Variants in TPH2 observed in about 807,000 individuals in gnomAD.
The protein encoded by TPH2 is tryptophan 5-hydroxylase 2.
In TPH2, 27 loss-of-function variants were observed where a neutral mutation model predicts 59.1. The observed-to-expected ratio is 0.46, with a 90% CI of 0.34 to 0.63. The LOEUF is 0.63. Ranked by LOEUF, TPH2 falls within the 30% of genes least tolerant of loss-of-function variation. TPH2 has a pLI of 0.01. For missense variants in TPH2, 523 were observed against 588.3 expected (o/e 0.89, Z 1.15); for synonymous variants, 220 against 210.5 (o/e 1.05, Z -0.39).
At chr12:72,022,744 A>G (rs1873454638) in intron 9 of TPH2, among the ~76,000 whole-genome samples, 1 of 152,224 alleles carries the variant, frequency 6.6e-6, no homozygotes, top group South Asian at 2.1e-4. Context: ...GCAATGACAA[A>G]TGTATGCCCA....
At chr12:72,007,095 C>T (rs1187790834) in intron 8 of TPH2, among the ~76,000 whole-genome samples, 1 of 152,126 alleles carries the variant, frequency 6.6e-6, no homozygotes, top group African/African-American at 2.4e-5. Context: ...GCAGACTATG[C>T]AGTTTATATT....
intron 5 of TPH2, chr12:71,961,940 T>C (rs767597304): frequency 1.3e-4 from 139 of 1,056,350 alleles, no homozygotes; most frequent in Non-Finnish European, 1.5e-4. Flanking sequence ...CTAATGTTTT[T>C]GTTTGCTCCC....
intron 5 of TPH2, chr12:71,961,771 A>G (rs1190163969): frequency 3.0e-6 from 4 of 1,313,746 alleles, no homozygotes; most frequent in Non-Finnish European, 4.0e-6. Context: ...GTGAGAAAAT[A>G]GTGGGAAGCC....
intron 5 of TPH2, among the ~76,000 whole-genome samples, chr12:71,951,269 C>T (rs1871336817): frequency 6.6e-6 from 1 of 152,124 alleles, no homozygotes; most frequent in African/African-American, 2.4e-5. Context: ...GGTTGTGAGC[C>T]TTATGATTGG....
intron 9 of TPH2, among the ~76,000 whole-genome samples, chr12:72,029,086 C>T (rs968887942): frequency 1.3e-5 from 2 of 152,218 alleles, no homozygotes; most frequent in Admixed American, 1.3e-4. Context: ...ATTGCATACA[C>T]ACCTCTGGAG....
chr12:72,002,275 C>T (rs1344760299), intron 8 of TPH2, among the ~76,000 whole-genome samples: 1 of 151,894 alleles, frequency 6.6e-6, no homozygotes, highest in East Asian at 1.9e-4. Context: ...GAAAGGGTGG[C>T]CAGTGCTTAC....
At chr12:71,962,018 A>T (rs1871700214) in intron 5 of TPH2, 1 of 1,030,120 alleles carries the variant, frequency 9.7e-7, no homozygotes, top group South Asian at 3.7e-5. Context: ...TCATTTGCAA[A>T]AGCAAATAAA....
chr12:72,030,887 A>C (rs1316615666), intron 9 of TPH2, among the ~76,000 whole-genome samples: 2 of 152,150 alleles, frequency 1.3e-5, no homozygotes, highest in Middle Eastern at 3.2e-3. Context: ...TATAGCAATA[A>C]ATTTTGGAGC....
chr12:71,944,157 T>G, intron 2 of TPH2, 137 bp from the exon 3 acceptor site: 1 of 847,436 alleles, frequency 1.2e-6, no homozygotes, highest in South Asian at 1.6e-5. Flanking sequence ...TTTCCAAGTT[T>G]TATTCAAAGA....
chr12:71,952,583 C>T (rs1211463268), intron 5 of TPH2, among the ~76,000 whole-genome samples: 3 of 152,126 alleles, frequency 2.0e-5, no homozygotes, highest in African/African-American at 4.8e-5. Flanking sequence ...GGGTATTTAC[C>T]TAAGAGAGCT....
chr12:72,022,654 G>A (rs767850895), intron 9 of TPH2, among the ~76,000 whole-genome samples, 160 bp downstream of exon 9: 4 of 152,124 alleles, frequency 2.6e-5, no homozygotes, highest in Admixed American at 6.5e-5. Context: ...CTCACTTTTC[G>A]CACTTGTGAA....
At chr12:71,997,802 G>C (rs1872730544) in intron 8 of TPH2, among the ~76,000 whole-genome samples, 1 of 152,146 alleles carries the variant, frequency 6.6e-6, no homozygotes, top group Admixed American at 6.5e-5. Context: ...GAAAGTCACA[G>C]TCTAGTACCC....
At chr12:72,029,837 A>G (rs1873673432) in intron 9 of TPH2, among the ~76,000 whole-genome samples, 1 of 152,176 alleles carries the variant, frequency 6.6e-6, no homozygotes, top group South Asian at 2.1e-4. Context: ...AACTTAGGGA[A>G]CCACAGACTT....
Position 71,994,426 on chromosome 12 carries a change from T to C in TPH2, c.942-13T>C, listed in dbSNP as rs1253872714. 1 of 1,613,748 alleles carries C rather than the reference T, an allele frequency of 6.2e-7. No homozygotes were observed. The highest frequency in any genetic ancestry group is 2.2e-5 in the East Asian group (1 of 44,866). On this transcript the variant is annotated splice_polypyrimidine_tract_variant and intron_variant, in intron 7 of 10. Coordinates refer to ENST00000333850, the MANE Select transcript of TPH2 (RefSeq NM_173353.4). ...TCTTATTTAACACGTCTTTGTGATGTCTTTTTTGTCAGAGACACATGCCAT... is the reference window on the plus strand; with the variant it reads ...TCTTATTTAACACGTCTTTGTGATGCCTTTTTTGTCAGAGACACATGCCAT...
chr12:72,029,933 G>A (rs1179987391), intron 9 of TPH2, among the ~76,000 whole-genome samples: 2 of 152,272 alleles, frequency 1.3e-5, no homozygotes, highest in East Asian at 3.9e-4. Context: ...AGGGTTTTCT[G>A]AATTTCTCCA....
intron 4 of TPH2, among the ~76,000 whole-genome samples, chr12:71,946,348 T>C (rs1271225614): frequency 1.1e-4 from 17 of 152,192 alleles, no homozygotes; most frequent in Non-Finnish European, 2.5e-4. Flanking sequence ...GTTTGAAAAT[T>C]ACTCAACCTG....
intron 8 of TPH2, among the ~76,000 whole-genome samples, chr12:72,006,762 T>G (rs1872963864): frequency 6.6e-6 from 1 of 152,180 alleles, no homozygotes; most frequent in African/African-American, 2.4e-5. Context: ...GATTAAGATC[T>G]TTGTCAGTAA....
intron 4 of TPH2, among the ~76,000 whole-genome samples, chr12:71,946,939 A>G (rs777601343): frequency 6.6e-6 from 1 of 152,196 alleles, no homozygotes; most frequent in Non-Finnish European, 1.5e-5. Flanking sequence ...GGCTTGCACC[A>G]GAGGGTCTTG....
intron 8 of TPH2, among the ~76,000 whole-genome samples, chr12:72,010,675 C>G (rs1027253397): frequency 6.6e-6 from 1 of 152,130 alleles, no homozygotes; most frequent in African/African-American, 2.4e-5. Context: ...GACCTAATGT[C>G]TAGGAGGGTG....
Sources: gnomAD v4.1 joint callset for allele counts (sites outside exome capture counted in the v4.1 genomes callset) on GRCh38, gnomAD v4.1.1 for gene constraint, MANE v1.5 for transcripts, NCBI Gene and HGNC (gene_info 2026-07-23, HGNC 2026-07-21) for gene names.